GHR: variants seen among roughly 807,000 people sequenced by gnomAD.
GHR encodes GH receptor.
In GHR, 35 loss-of-function variants were observed where a neutral mutation model predicts 67.1. The observed-to-expected ratio is 0.52, with a 90% confidence interval of 0.40 to 0.69. The LOEUF is 0.69. GHR is among the 30% of genes least tolerant of loss of function. The probability of loss-of-function intolerance (pLI) is 0.00; values close to 1 mark genes in which losing one functional copy is unlikely to be tolerated. For synonymous variants in GHR, 272 were observed against 269.1 expected (o/e 1.01, Z -0.10); for missense variants, 792 against 764.6 (o/e 1.04, Z -0.42).
intron 4 of GHR, among the ~76,000 whole-genome samples, chr5:42,690,525 G>A (rs558290601): frequency 3.3e-5 from 5 of 152,280 alleles, no homozygotes; most frequent in Admixed American, 2.0e-4. Flanking sequence ...TAGAAATCCA[G>A]TTCCTGGACT....
chr5:42,507,552 G>T lies in GHR; in HGVS notation c.-11-58312G>T, dbSNP rs887928369. ...AATTCAAAATGGTGTACATCAGTCA[G>T]GTCCTGGAAAGACACACAATCTAAC... On this transcript the variant is annotated intron_variant, in intron 1 of 9. Coordinates refer to ENST00000230882, the MANE Select transcript of GHR (RefSeq NM_000163.5). 5.3e-5 allele frequency among the ~76,000 whole-genome samples: 8 copies of T among 152,270 alleles called. No homozygotes were observed. In the East Asian group the frequency reaches 1.4e-3, roughly 26 times the overall value.
At chr5:42,649,932 G>C (rs1357243443) in intron 3 of GHR, among the ~76,000 whole-genome samples, 4 of 152,166 alleles carry the variant, frequency 2.6e-5, no homozygotes, top group African/African-American at 9.7e-5. Context: ...TGGTGAGCCA[G>C]CCACCCAGGG....
Position 42,429,472 on chromosome 5 carries a change from C to T in GHR, c.-12+5517C>T, listed in dbSNP as rs184403260. Among the ~76,000 whole-genome samples, 9 of 152,268 alleles carry T rather than the reference C, an allele frequency of 5.9e-5. No individual in the cohort carries two copies. The East Asian group carries it at 1.7e-3, about 29-fold the overall frequency. On this transcript the variant is annotated intron_variant, in intron 1 of 9. Coordinates refer to ENST00000230882, the MANE Select transcript of GHR (RefSeq NM_000163.5). ...AAGATTTATAATTTGTAGTTCTGAA[C>T]ATTCTATATCTATTAAGACAGTTTA...
At chr5:42,542,392 G>T (rs186648742) in intron 1 of GHR, among the ~76,000 whole-genome samples, 20 of 152,278 alleles carry the variant, frequency 1.3e-4, no homozygotes, top group African/African-American at 4.8e-4. Context: ...ATTAAAGCCT[G>T]ATTTCAATAA....
At chr5:42,541,362 A>C (rs895958013) in intron 1 of GHR, among the ~76,000 whole-genome samples, 2 of 152,178 alleles carry the variant, frequency 1.3e-5, no homozygotes, top group African/African-American at 4.8e-5. Flanking sequence ...GGTAGAGGGA[A>C]TAGCATATAC....
intron 1 of GHR, among the ~76,000 whole-genome samples, chr5:42,439,070 A>T (rs1743456609): frequency 6.6e-6 from 1 of 152,200 alleles, no homozygotes; most frequent in Non-Finnish European, 1.5e-5. Context: ...CAGAAAAAAA[A>T]TGCTGCCAAA....
intron 3 of GHR, among the ~76,000 whole-genome samples, chr5:42,673,151 G>GA (rs1264100532): frequency 3.9e-5 from 6 of 151,974 alleles, no homozygotes; most frequent in East Asian, 3.9e-4. Flanking sequence ...TAACAAACAT[G>GA]AAAAAATGTC....
At chr5:42,580,902 C>T (rs1751130762) in intron 2 of GHR, among the ~76,000 whole-genome samples, 1 of 152,200 alleles carries the variant, frequency 6.6e-6, no homozygotes, top group Non-Finnish European at 1.5e-5. Flanking sequence ...TATAAAATCA[C>T]TCTCCTCTCT....
At chr5:42,599,744 A>T (rs1752271499) in intron 2 of GHR, among the ~76,000 whole-genome samples, 1 of 152,224 alleles carries the variant, frequency 6.6e-6, no homozygotes, top group African/African-American at 2.4e-5. Flanking sequence ...AACAACAACA[A>T]CAAACTTTTG....
At chr5:42,457,924 G>A (rs986819614) in intron 1 of GHR, among the ~76,000 whole-genome samples, 4 of 152,134 alleles carry the variant, frequency 2.6e-5, no homozygotes, top group African/African-American at 9.7e-5. Context: ...CAGTTTCTTT[G>A]TTGGGAAAAT....
At chr5:42,694,147 C>T (rs538077155) in intron 4 of GHR, among the ~76,000 whole-genome samples, 129 of 152,278 alleles carry the variant, frequency 8.5e-4, no homozygotes, top group African/African-American at 2.9e-3. Flanking sequence ...CTCTTCTGAA[C>T]TTTTAAGGAC....
Position 42,581,369 on chromosome 5 carries a change from G to A in GHR, c.70+15425G>A, listed in dbSNP as rs556665187. 5.9e-5 allele frequency among the ~76,000 whole-genome samples: 9 copies of A among 152,266 alleles called. No individual in the cohort carries two copies. The South Asian group carries it at 1.7e-3, about 28-fold the overall frequency. The stretch of plus-strand genomic sequence containing the variant: ...GTTAAGAGAGATTGTGTCTGTTATG[G>A]AATTGTGAAAACTGTAAGTTGCAGT... On this transcript the variant is annotated intron_variant, in intron 2 of 9. Transcript: ENST00000230882.
At chr5:42,688,447 T>G (rs1757263727) in intron 3 of GHR, among the ~76,000 whole-genome samples, 1 of 152,196 alleles carries the variant, frequency 6.6e-6, no homozygotes, top group Admixed American at 6.5e-5. Flanking sequence ...TCTACACAGC[T>G]TCTCAAAGGA....
chr5:42,597,377 T>C (rs13163126), intron 2 of GHR, among the ~76,000 whole-genome samples: 22,594 of 152,130 alleles, frequency 0.15, 1,925 homozygotes, highest in Non-Finnish European at 0.17. Context: ...GTTGCCATAA[T>C]TTAATTTGTA....
intron 2 of GHR, among the ~76,000 whole-genome samples, chr5:42,576,103 T>TAAAATAAAATAAAA (rs1750693523): frequency 1.9e-5 from 1 of 52,564 alleles, no homozygotes; most frequent in South Asian, 4.7e-4. Flanking sequence ...ATAAAATAAA[T>TAAAATAAAATAAAA]AAAATAAAAT....
At chr5:42,533,374 G>A (rs1377873230) in intron 1 of GHR, among the ~76,000 whole-genome samples, 2 of 151,796 alleles carry the variant, frequency 1.3e-5, no homozygotes, top group Non-Finnish European at 2.9e-5. Context: ...ACTTGTCTCT[G>A]TTATATATAG....
intron 1 of GHR, among the ~76,000 whole-genome samples, chr5:42,513,450 G>A (rs1747108373): frequency 1.3e-5 from 2 of 152,148 alleles, no homozygotes; most frequent in Non-Finnish European, 2.9e-5. Flanking sequence ...ATGAGATGAA[G>A]CTTAAATATG....
At position 42,718,863 on chromosome 5, in the gene GHR, G is replaced by C; in HGVS notation, c.1356G>C (p.Glu452Asp). The change falls in exon 10 of 10, where the codon GAG (glutamate) becomes GAC (aspartate). Residue 452 changes from glutamate (E) to aspartate (D), a missense_variant. Physicochemically the swap from Glu to Asp is conservative, Grantham distance 45. Transcript: ENST00000230882. ...ATQQPSVIQA[E>D]KNKPQPLPTE... ...AGCAGCCCAGTGTTATCCAAGCAGAGAAAAACAAACCACAACCACTTCCTA... is the reference window on the plus strand; with the variant it reads ...AGCAGCCCAGTGTTATCCAAGCAGACAAAAACAAACCACAACCACTTCCTA... 6.2e-7 allele frequency: 1 copy of C among 1,614,090 alleles called. No homozygotes were observed. The highest frequency in any genetic ancestry group is 8.5e-7 in the Non-Finnish European group (1 of 1,180,022).
At chr5:42,527,483 A>T (rs1199817087) in intron 1 of GHR, among the ~76,000 whole-genome samples, 2 of 152,216 alleles carry the variant, frequency 1.3e-5, no homozygotes, top group Admixed American at 1.3e-4. Flanking sequence ...ACATAATGGT[A>T]AACGGTTCAA....
Sources: gnomAD v4.1 joint callset for allele counts (sites outside exome capture counted in the v4.1 genomes callset) on GRCh38, gnomAD v4.1.1 for gene constraint, MANE v1.5 for transcripts, NCBI Gene and HGNC (gene_info 2026-07-23, HGNC 2026-07-21) for gene names.